Variants in ATP9B observed in about 807,000 individuals in gnomAD.
The protein encoded by ATP9B is probable phospholipid-transporting ATPase IIB.
A neutral mutation model predicts 146.1 loss-of-function variants in ATP9B; 110 were observed. The observed-to-expected ratio is 0.75, with a 90% CI of 0.65 to 0.88. The LOEUF (loss-of-function observed/expected upper bound fraction) is 0.88. Ranked by LOEUF, ATP9B falls within the 40% of genes least tolerant of loss-of-function variation. ATP9B has a pLI of 0.00. For missense variants in ATP9B, 1,499 were observed against 1,496.4 expected (o/e 1.00, Z -0.03); for synonymous variants, 604 against 569.7 (o/e 1.06, Z -0.86).
chr18:79,322,184 C>T (rs4799034), intron 15 of ATP9B, among the ~76,000 whole-genome samples: 66,074 of 152,000 alleles, frequency 0.43, 14,632 homozygotes, highest in Middle Eastern at 0.55. Context: ...TTTAGACTCT[C>T]GGTGTACTTA....
chr18:79,312,612 G>A (rs566445674), intron 15 of ATP9B, among the ~76,000 whole-genome samples: 3 of 152,212 alleles, frequency 2.0e-5, no homozygotes, highest in African/African-American at 4.8e-5. Flanking sequence ...GCTCACAAGC[G>A]TCGCCTGCTG....
At chr18:79,152,906 T>C (rs2094713975) in intron 6 of ATP9B, among the ~76,000 whole-genome samples, 3 of 152,234 alleles carry the variant, frequency 2.0e-5, no homozygotes, top group Admixed American at 2.0e-4. Flanking sequence ...TCGTCTATCT[T>C]GGTGTAATCT....
At chr18:79,318,487 A>G (rs535636789) in intron 15 of ATP9B, among the ~76,000 whole-genome samples, 2 of 152,358 alleles carry the variant, frequency 1.3e-5, no homozygotes, top group African/African-American at 4.8e-5. Flanking sequence ...TGTGGAGGTC[A>G]TCAAAAACTA....
chr18:79,247,566 C>T (rs1032726272), intron 11 of ATP9B, among the ~76,000 whole-genome samples: 8 of 152,128 alleles, frequency 5.3e-5, no homozygotes, highest in South Asian at 2.1e-4. Context: ...TATAGGTCGG[C>T]GGACAGAGTG....
chr18:79,297,763 T>C (rs2146337674), intron 13 of ATP9B, among the ~76,000 whole-genome samples: 1 of 148,254 alleles, frequency 6.7e-6, no homozygotes, highest in Middle Eastern at 3.5e-3. Flanking sequence ...ATTTCATGTT[T>C]CGCCTTGATA....
intron 11 of ATP9B, among the ~76,000 whole-genome samples, chr18:79,237,252 A>G (rs1366232304): frequency 7.0e-6 from 1 of 143,442 alleles, no homozygotes; most frequent in East Asian, 2.1e-4. Context: ...CGGTCCGTGC[A>G]CGAGTCAGTG....
chr18:79,167,914 G>T (rs1294124757), intron 7 of ATP9B, among the ~76,000 whole-genome samples: 1 of 151,846 alleles, frequency 6.6e-6, no homozygotes, highest in Non-Finnish European at 1.5e-5. Flanking sequence ...TTGTCCCAAG[G>T]TTGCCTGCAG....
rs185438107 is a variant in ATP9B, at chr18:79,272,051, T to C, written c.1269-5003T>C. 1.1e-4 allele frequency among the ~76,000 whole-genome samples: 17 copies of C among 152,374 alleles called. No individual in the cohort carries two copies. The East Asian group carries it at 2.7e-3, about 24-fold the overall frequency. On this transcript the variant is annotated intron_variant, in intron 12 of 29. Coordinates refer to ENST00000426216, the MANE Select transcript of ATP9B (RefSeq NM_198531.5). ...ATAAATGTCTTCTTTTGAGAAGTGC[T>C]TGTTCATATCCTTCACCCACTTGTT...
chr18:79,149,200 G>A (rs376174921), intron 6 of ATP9B, among the ~76,000 whole-genome samples: 4 of 152,242 alleles, frequency 2.6e-5, no homozygotes, highest in Admixed American at 6.5e-5. Flanking sequence ...GAAAGGCACA[G>A]GTGTAGAACA....
At chr18:79,331,569 G>A (rs2096790151) in intron 17 of ATP9B, among the ~76,000 whole-genome samples, 2 of 151,844 alleles carry the variant, frequency 1.3e-5, no homozygotes, top group African/African-American at 2.4e-5. Flanking sequence ...CAATGTCTTT[G>A]TTGTGGTACT....
At chr18:79,263,806 C>T (rs2096170958) in intron 12 of ATP9B, among the ~76,000 whole-genome samples, 1 of 152,206 alleles carries the variant, frequency 6.6e-6, no homozygotes, top group East Asian at 1.9e-4. Context: ...AAGAGCAGGC[C>T]GGGCGCGTTG....
intron 26 of ATP9B, chr18:79,372,349 G>A: frequency 3.3e-6 from 1 of 306,288 alleles, no homozygotes; most frequent in Non-Finnish European, 6.5e-6. Context: ...TCTCCAGCGA[G>A]GGTTTAAGGG....
intron 17 of ATP9B, among the ~76,000 whole-genome samples, chr18:79,334,522 C>A (rs1053546889): frequency 5.9e-5 from 9 of 152,238 alleles, no homozygotes; most frequent in African/African-American, 2.2e-4. Context: ...TAGGGCCTCT[C>A]TGTATCCCTG....
Position 79,154,530 on chromosome 18 carries a change from G to A in ATP9B, c.753G>A (p.Val251=), listed in dbSNP as rs1376601969. Residue 251 remains valine (V), a synonymous_variant, in exon 7 of 30, where the codon GTG becomes GTA. Transcript: ENST00000426216. ...EKNQRIPSDM[V]FLRTSEKAGS... ...ATCAAAGAATTCCATCGGACATGGT[G>A]TTTCTTAGGACTTCAGAAAAAGCAG... is the stretch of plus-strand genomic sequence containing the variant. 1.3e-6 allele frequency: 2 copies of A among 1,538,440 alleles called. No homozygotes were observed. The highest frequency in any genetic ancestry group is 1.7e-6 in the Non-Finnish European group (2 of 1,151,276).
At chr18:79,174,048 T>C (rs2095121065) in intron 7 of ATP9B, 1 of 318,448 alleles carries the variant, frequency 3.1e-6, no homozygotes. Context: ...ACTGCACTTT[T>C]CCTCCTCTTG....
intron 17 of ATP9B, among the ~76,000 whole-genome samples, chr18:79,331,273 T>C (rs1356968807): frequency 6.6e-6 from 1 of 152,192 alleles, no homozygotes; most frequent in Admixed American, 6.5e-5. Context: ...TATGAATCAA[T>C]ATCTCCTTCG....
chr18:79,204,100 C>A (rs1403276244), intron 9 of ATP9B, among the ~76,000 whole-genome samples: 1 of 152,148 alleles, frequency 6.6e-6, no homozygotes, highest in African/African-American at 2.4e-5. Context: ...GATTGTTTAT[C>A]TTAGCATTGA....
chr18:79,126,673 G>A (rs531805388), intron 5 of ATP9B, among the ~76,000 whole-genome samples: 6 of 152,224 alleles, frequency 3.9e-5, no homozygotes, highest in African/African-American at 4.8e-5. Context: ...TGGTATATAC[G>A]TATTTTCTGA....
At chr18:79,113,220 A>G in intron 3 of ATP9B, 21 bp from the exon 4 acceptor site, 1 of 1,433,518 alleles carries the variant, frequency 7.0e-7, no homozygotes, top group Non-Finnish European at 9.6e-7. Context: ...AATTTTGTTA[A>G]TTTTCTCTTT....
Sources: allele counts gnomAD v4.1 joint callset (sites outside exome capture counted in the v4.1 genomes callset), GRCh38; gene constraint gnomAD v4.1.1; transcripts MANE v1.5; gene names NCBI Gene and HGNC (gene_info 2026-07-23, HGNC 2026-07-21).